Variants in PARVB observed in about 807,000 individuals in gnomAD.
The protein encoded by PARVB is beta-parvin.
PARVB carries 46 observed loss-of-function variants against 47.0 expected under a neutral mutation model. The observed-to-expected ratio is 0.98, with a 90% CI of 0.77 to 1.25. The LOEUF (loss-of-function observed/expected upper bound fraction) is 1.25. PARVB is among the 50% of genes most tolerant of loss of function. The pLI is 0.00. For missense variants in PARVB, 473 were observed against 471.6 expected, an observed-to-expected ratio of 1.00 and a Z score of -0.03; for synonymous variants, 196 against 196.3, an observed-to-expected ratio of 1.00 and a Z score of 0.01.
At chr22:44,041,698 A>G (rs933300950) in intron 1 of PARVB, among the ~76,000 whole-genome samples, 5 of 152,022 alleles carry the variant, frequency 3.3e-5, no homozygotes, top group Admixed American at 2.0e-4. Flanking sequence ...AGCCTAGGCT[A>G]CATAGTGAGA....
At chr22:44,028,070 C>T (rs1442116041) in intron 1 of PARVB, among the ~76,000 whole-genome samples, 1 of 151,942 alleles carries the variant, frequency 6.6e-6, no homozygotes, top group Non-Finnish European at 1.5e-5. Flanking sequence ...CATCAGTGCC[C>T]CCCGGCTGTG....
intron 1 of PARVB, among the ~76,000 whole-genome samples, chr22:44,034,277 AGATGGGTGTCTTTATACATATATATG>A (rs2050876995): frequency 6.7e-6 from 1 of 148,172 alleles, no homozygotes; most frequent in Non-Finnish European, 1.5e-5. Context: ...TATATGTTTG[AGATGGGTGTCTTTATACATATATATG>A]TTTGAGATGG....
chr22:44,138,547 C>G (rs562651781), intron 7 of PARVB, among the ~76,000 whole-genome samples: 1 of 152,172 alleles, frequency 6.6e-6, no homozygotes, highest in Non-Finnish European at 1.5e-5. Context: ...GCTGCGGAGG[C>G]TCTGACGGAA....
chr22:44,166,524 C>T (rs2054171702), intron 12 of PARVB, among the ~76,000 whole-genome samples: 1 of 152,360 alleles, frequency 6.6e-6, no homozygotes, highest in Non-Finnish European at 1.5e-5. Context: ...GTTTCCTACT[C>T]ATCTGCCGCT....
At chr22:44,019,030 C>T (rs957624669) in intron 2 of PARVB, among the ~76,000 whole-genome samples, 66 of 151,614 alleles carry the variant, frequency 4.4e-4, no homozygotes, top group African/African-American at 1.6e-3. Context: ...GATTCTCCTG[C>T]CTCAGCCTCC....
At chr22:44,015,297 A>ATTTTAT (rs1555891610) in intron 2 of PARVB, among the ~76,000 whole-genome samples, 2,081 of 152,164 alleles carry the variant, frequency 0.014, 46 homozygotes, top group African/African-American at 0.048. Flanking sequence ...CCCCAAAATT[A>ATTTTAT]TTTTTTTTCT....
intron 4 of PARVB, among the ~76,000 whole-genome samples, chr22:44,120,779 G>A (rs963200832): frequency 6.6e-6 from 1 of 152,010 alleles, no homozygotes; most frequent in Non-Finnish European, 1.5e-5. Flanking sequence ...GGGCTCCAGT[G>A]ATCCTCACAC....
intron 1 of PARVB, among the ~76,000 whole-genome samples, chr22:44,073,656 G>A (rs1161758431): frequency 3.3e-5 from 5 of 152,182 alleles, no homozygotes; most frequent in East Asian, 1.9e-4. Context: ...GGTGGGGCCC[G>A]CTTGCCCCCC....
intron 2 of PARVB, among the ~76,000 whole-genome samples, chr22:44,001,690 C>T (rs1436828262): frequency 2.0e-5 from 3 of 152,222 alleles, no homozygotes; most frequent in Non-Finnish European, 4.4e-5. Context: ...CCAGTTTTCA[C>T]TTGAAGCCCG....
intron 6 of PARVB, among the ~76,000 whole-genome samples, chr22:44,133,309 T>A (rs901820717): frequency 5.3e-5 from 8 of 152,190 alleles, no homozygotes; most frequent in African/African-American, 1.9e-4. Context: ...TTCAATCCCC[T>A]TGAATGTGCT....
chr22:44,121,022 T>C (rs1250675365), intron 4 of PARVB, among the ~76,000 whole-genome samples: 1 of 152,072 alleles, frequency 6.6e-6, no homozygotes, highest in Non-Finnish European at 1.5e-5. Context: ...TTTTGTTTTT[T>C]AGTAGAGATG....
At chr22:44,039,803 G>A (rs1294987560) in intron 1 of PARVB, 2 of 452,942 alleles carry the variant, frequency 4.4e-6, no homozygotes, top group South Asian at 3.1e-5. Context: ...AGTACACACT[G>A]TGTGATTTCA....
chr22:44,166,636 G>T lies in PARVB; in HGVS notation c.1019-1966G>T, dbSNP rs558002032. Among the ~76,000 whole-genome samples, 666 of 152,328 alleles carry T rather than the reference G, an allele frequency of 4.4e-3. 12 individuals are homozygous for T. Among genetic ancestry groups the T allele is most frequent in the African/African-American group, 0.015 (634 of 41,594 alleles). Reference sequence around the variant, plus strand: ...GCAAGTTCTGCAGCCTCCCAGGCAGGGTCCCTTGGGTGTCCCAGGGCCTCT... The same window carrying T: ...GCAAGTTCTGCAGCCTCCCAGGCAGTGTCCCTTGGGTGTCCCAGGGCCTCT... On this transcript the variant is annotated intron_variant, in intron 12 of 12. Coordinates refer to ENST00000338758, the MANE Select transcript of PARVB (RefSeq NM_013327.5).
At chr22:44,006,151 C>T (rs1411068504) in intron 2 of PARVB, among the ~76,000 whole-genome samples, 2 of 152,168 alleles carry the variant, frequency 1.3e-5, no homozygotes, top group South Asian at 2.1e-4. Flanking sequence ...TGCTATGTTT[C>T]CCAGGATGGT....
chr22:44,133,648 C>T (rs1395873355), intron 6 of PARVB, among the ~76,000 whole-genome samples: 1 of 152,252 alleles, frequency 6.6e-6, no homozygotes. Context: ...AAGCGGTCCT[C>T]CCGCCTCAGC....
chr22:44,024,559 C>A, intron 1 of PARVB, 108 bp downstream of exon 1: 1 of 409,802 alleles, frequency 2.4e-6, no homozygotes, highest in Non-Finnish European at 3.5e-6. Context: ...CGCACCCCGC[C>A]CGGCCCACGC....
chr22:44,007,320 C>G (rs1175731739), intron 2 of PARVB, among the ~76,000 whole-genome samples: 1 of 152,194 alleles, frequency 6.6e-6, no homozygotes, highest in Non-Finnish European at 1.5e-5. Context: ...CCCATCCTTT[C>G]CCGTGCTGCT....
chr22:44,028,237 C>T (rs1281018655), intron 1 of PARVB, among the ~76,000 whole-genome samples: 1 of 152,162 alleles, frequency 6.6e-6, no homozygotes, highest in African/African-American at 2.4e-5. Context: ...GCGTCACTGA[C>T]CCCAGAATCC....
intron 2 of PARVB, among the ~76,000 whole-genome samples, chr22:44,009,894 G>A (rs973204299): frequency 6.7e-6 from 1 of 148,564 alleles, no homozygotes; most frequent in Admixed American, 6.9e-5. Context: ...TGCAACCTCT[G>A]CCTCCTGGGT....
Sources: allele counts gnomAD v4.1 joint callset (sites outside exome capture counted in the v4.1 genomes callset), GRCh38; gene constraint gnomAD v4.1.1; transcripts MANE v1.5; gene names NCBI Gene and HGNC (gene_info 2026-07-23, HGNC 2026-07-21).